BCAS3: variants seen among roughly 807,000 people sequenced by gnomAD.
The protein encoded by BCAS3 is BCAS3 microtubule associated cell migration factor, also known as BCAS4/BCAS3 fusion.
Under a neutral mutation model 116.1 loss-of-function variants are expected in BCAS3, and 53 were observed. That is an observed-to-expected ratio of 0.46 (90% confidence interval 0.37 to 0.57). The LOEUF (loss-of-function observed/expected upper bound fraction) is 0.57. BCAS3 is among the 20% of genes least tolerant of loss of function. The pLI, the probability that BCAS3 is intolerant of heterozygous loss-of-function variation, is 0.00. For synonymous variants in BCAS3, 391 were observed against 408.2 expected (o/e 0.96, Z 0.51); for missense variants, 917 against 1,165.4 (o/e 0.79, Z 3.10).
intron 8 of BCAS3, among the ~76,000 whole-genome samples, chr17:60,872,284 T>G (rs1322055833): frequency 3.9e-5 from 6 of 151,928 alleles, no homozygotes; most frequent in Non-Finnish European, 8.8e-5. Context: ...GTATATAATA[T>G]GTGCATGTGT....
intron 7 of BCAS3, among the ~76,000 whole-genome samples, chr17:60,842,563 C>T (rs2052047712): frequency 2.0e-5 from 3 of 151,828 alleles, no homozygotes; most frequent in African/African-American, 7.3e-5. Context: ...TTTCTTTTGC[C>T]AATATTCTGC....
intron 22 of BCAS3, among the ~76,000 whole-genome samples, chr17:61,197,318 A>C (rs2080539000): frequency 6.6e-6 from 1 of 152,210 alleles, no homozygotes; most frequent in Non-Finnish European, 1.5e-5. Flanking sequence ...GGCAAGCAGC[A>C]CTTTCTTCCT....
rs1231908227 is a variant in BCAS3 at position 61,217,591 on chromosome 17, A to G, written c.2425+133027A>G. Among the ~76,000 whole-genome samples the G allele has an allele frequency of 6.6e-6, 1 of 152,168 alleles. No homozygotes were observed. The highest frequency in any genetic ancestry group is 1.5e-5 in the Non-Finnish European group (1 of 68,040). On this transcript the variant is annotated intron_variant, in intron 22 of 23. Coordinates refer to ENST00000407086, the MANE Select transcript of BCAS3 (RefSeq NM_017679.5). The surrounding 1 kb of genome is among the most constrained non-coding windows in gnomAD (Gnocchi z 5.2). ...CCTCATGGTTATTTGGAGCTATTAAAGGAGTGGGCAAATAAATGAAGGGCA... is the reference window on the plus strand; with the variant it reads ...CCTCATGGTTATTTGGAGCTATTAAGGGAGTGGGCAAATAAATGAAGGGCA...
intron 22 of BCAS3, among the ~76,000 whole-genome samples, chr17:61,297,679 G>A (rs1602498584): frequency 2.6e-5 from 4 of 152,156 alleles, no homozygotes; most frequent in South Asian, 2.1e-4. Flanking sequence ...CTCAGTGGTC[G>A]ATGGGCAGAG....
chr17:60,846,759 C>T lies in BCAS3; in HGVS notation c.477-21817C>T, dbSNP rs547839513. Among the ~76,000 whole-genome samples the T allele has an allele frequency of 2.0e-5, 3 of 152,036 alleles. No individual in the cohort carries two copies. In the South Asian group the frequency reaches 6.2e-4, roughly 32 times the overall value. On this transcript the variant is annotated intron_variant, in intron 7 of 23. Transcript: ENST00000407086. Reference sequence around the variant, plus strand: ...ATATGAATCTTGACAGCCTCCCTGCCTCCCTCCCTTCATTCCTTCTTTCCT... The same window carrying T: ...ATATGAATCTTGACAGCCTCCCTGCTTCCCTCCCTTCATTCCTTCTTTCCT...
intron 5 of BCAS3, among the ~76,000 whole-genome samples, chr17:60,717,607 T>G (rs2038780674): frequency 6.6e-6 from 1 of 152,184 alleles, no homozygotes; most frequent in African/African-American, 2.4e-5. Flanking sequence ...GTCCAAGAGT[T>G]AGCAGTTGGC....
rs947973919 is a variant in BCAS3 at position 61,343,866 on chromosome 17, C to T, written c.2426-24461C>T. 2.0e-5 allele frequency among the ~76,000 whole-genome samples: 3 copies of T among 152,172 alleles called. No homozygotes were observed. Among genetic ancestry groups the T allele is most frequent in the African/African-American group, 7.2e-5 (3 of 41,450 alleles). On this transcript the variant is annotated intron_variant, in intron 22 of 23. Transcript: ENST00000407086. The surrounding 1 kb of genome is among the most constrained non-coding windows in gnomAD (Gnocchi z 5.5). ...CAGTTCTGCTCTGCAGCCCCCATGG[C>T]GACACCCTCTCTCTTTGGACCACCT...
At chr17:61,350,175 G>A (rs1385434488) in intron 22 of BCAS3, among the ~76,000 whole-genome samples, 2 of 152,034 alleles carry the variant, frequency 1.3e-5, no homozygotes, top group East Asian at 3.9e-4. Flanking sequence ...TGGCATTACA[G>A]AGTGCTGTAA....
At chr17:60,988,470 G>A (rs2063324454) in intron 14 of BCAS3, among the ~76,000 whole-genome samples, 1 of 149,442 alleles carries the variant, frequency 6.7e-6, no homozygotes, top group African/African-American at 2.5e-5. Context: ...ATTGGTATTA[G>A]TTCTTCTTTA....
chr17:61,077,552 A>G lies in BCAS3; in HGVS notation c.2131-781A>G, dbSNP rs1665555765. 6.6e-6 allele frequency among the ~76,000 whole-genome samples: 1 copy of G among 152,088 alleles called. No homozygotes were observed. The highest frequency in any genetic ancestry group is 2.4e-5 in the African/African-American group (1 of 41,422). ...TGAAATAAAATAAATAAAATAAAATATTGGCAACATTCCCTATCCCCCCCA... is the reference window on the plus strand; with the variant it reads ...TGAAATAAAATAAATAAAATAAAATGTTGGCAACATTCCCTATCCCCCCCA... On this transcript the variant is annotated intron_variant, in intron 20 of 23. Transcript: ENST00000407086. This position sits in a 1 kb window ranked among gnomAD's most constrained non-coding sequence, Gnocchi z 4.3.
In BCAS3 at chr17:61,286,147, C is replaced by T. The variant is rs1004320518; in HGVS notation, c.2426-82180C>T. Among the ~76,000 whole-genome samples the T allele has an allele frequency of 6.6e-6, 1 of 152,156 alleles. No individual in the cohort carries two copies. The highest frequency in any genetic ancestry group is 1.5e-5 in the Non-Finnish European group (1 of 68,038). On this transcript the variant is annotated intron_variant, in intron 22 of 23. Transcript: ENST00000407086. The surrounding 1 kb of genome is among the most constrained non-coding windows in gnomAD (Gnocchi z 4.8). ...CTGCTACAAAGTAGCTTAAACTCTG[C>T]ACACATCTTCCTCTGGGATTTCTTT... is the stretch of plus-strand genomic sequence containing the variant.
At chr17:61,271,712 C>T in intron 22 of BCAS3, among the ~76,000 whole-genome samples, 1 of 151,716 alleles carries the variant, frequency 6.6e-6, no homozygotes, top group Non-Finnish European at 1.5e-5. Flanking sequence ...CTGCCTCAGC[C>T]TGCCAAAGTG....
chr17:60,874,547 A>C (rs2055413753), intron 8 of BCAS3, 115 bp from the exon 9 acceptor site: 1 of 615,804 alleles, frequency 1.6e-6, no homozygotes, highest in Non-Finnish European at 2.7e-6. Flanking sequence ...TAATTTTAAA[A>C]TTGTATTAGT....
chr17:60,698,355 T>G (rs530654477), intron 4 of BCAS3, among the ~76,000 whole-genome samples: 217 of 151,982 alleles, frequency 1.4e-3, no homozygotes, highest in Middle Eastern at 3.4e-3. Context: ...TCAAGAACAA[T>G]AAAGTCTGGC....
At position 61,390,946 on chromosome 17, in the gene BCAS3, G is replaced by A. The variant is rs1421462748; in HGVS notation, c.2594-1031G>A. On this transcript the variant is annotated intron_variant, in intron 23 of 23. Coordinates refer to ENST00000407086, the MANE Select transcript of BCAS3 (RefSeq NM_017679.5). The surrounding 1 kb of genome is among the most constrained non-coding windows in gnomAD (Gnocchi z 6.8). ...GGTCTACATATCTTGGCTTGGGGCA[G>A]GCTCCAGAGACTGCCCGGTGTGTGT... The A allele has an allele frequency of 1.3e-5, 2 of 152,260 alleles. No individual in the cohort carries two copies. Among genetic ancestry groups the A allele is most frequent in the Non-Finnish European group, 2.9e-5 (2 of 68,070 alleles). 9.4% of individuals were successfully genotyped at this position (152,260 alleles called of 1,614,324 possible).
rs2058071253 is a variant in BCAS3, at chr17:61,355,071, G to C, written c.2426-13256G>C. 6.9e-6 allele frequency: 1 copy of C among 144,058 alleles called. No homozygotes were observed. Among genetic ancestry groups the C allele is most frequent in the Non-Finnish European group, 1.5e-5 (1 of 65,530 alleles). The allele number at this position is 144,058 out of a possible 1,614,324, so 8.9% of individuals were successfully genotyped here. A position where few individuals can be genotyped will look rare whatever the true frequency, so the allele number is the denominator to read the frequency against. ...CCAGCAGGGGGCCCAGGCCTGCAAA[G>C]CTGGGCCTCCAGACACCTCCGCCAG... On this transcript the variant is annotated intron_variant, in intron 22 of 23. Transcript: ENST00000407086. The surrounding 1 kb of genome is among the most constrained non-coding windows in gnomAD (Gnocchi z 4.2).
chr17:61,338,889 A>G (rs61680070), intron 22 of BCAS3, among the ~76,000 whole-genome samples: 222 of 19,470 alleles, frequency 0.011, no homozygotes, highest in African/African-American at 0.025. Context: ...CCTTACTGGG[A>G]AAAAAAAAAA....
At chr17:60,765,496 T>C (rs2043999733) in intron 6 of BCAS3, among the ~76,000 whole-genome samples, 1 of 152,202 alleles carries the variant, frequency 6.6e-6, no homozygotes, top group Non-Finnish European at 1.5e-5. Flanking sequence ...AATTCTTTTC[T>C]TTAAAAATGT....
At chr17:61,120,163 GA>G in intron 22 of BCAS3, among the ~76,000 whole-genome samples, 1 of 152,170 alleles carries the variant, frequency 6.6e-6, no homozygotes, top group East Asian at 1.9e-4. Context: ...ATACAGGCAA[GA>G]ATTGCTAAGA....
Sources: allele counts gnomAD v4.1 joint callset (sites outside exome capture counted in the v4.1 genomes callset), GRCh38; gene constraint gnomAD v4.1.1; non-coding constraint Gnocchi (gnomAD v3.1); transcripts MANE v1.5; gene names NCBI Gene and HGNC (gene_info 2026-07-23, HGNC 2026-07-21).